Variants in VTCN1 observed in about 807,000 individuals in gnomAD.
VTCN1 encodes the protein V-set domain-containing T-cell activation inhibitor 1.
Under a neutral mutation model 26.5 loss-of-function variants are expected in VTCN1, and 26 were observed. The ratio of observed to expected loss-of-function variants is 0.98; its 90% confidence interval spans 0.72 to 1.36. The LOEUF is 1.36. VTCN1 is among the 40% of genes most tolerant of loss of function. The pLI is 0.00. For synonymous variants in VTCN1, 116 were observed against 130.7 expected (o/e 0.89, Z 0.77); for missense variants, 298 against 337.7 (o/e 0.88, Z 0.92).
At chr1:117,153,065 C>A in intron 4 of VTCN1, 26 bp downstream of exon 4, 1 of 1,586,996 alleles carries the variant, frequency 6.3e-7, no homozygotes, top group Admixed American at 1.7e-5. Context: ...CCCAGTAAAT[C>A]CATACAAAAG....
At chr1:117,200,324 G>A (rs1648729964) in intron 1 of VTCN1, among the ~76,000 whole-genome samples, 1 of 152,072 alleles carries the variant, frequency 6.6e-6, no homozygotes, top group Non-Finnish European at 1.5e-5. Context: ...ACTGGAGCCT[G>A]GGAGGTCAAG....
At position 117,186,016 on chromosome 1, in the gene VTCN1, T is replaced by A. The variant is rs77143300; in HGVS notation, c.33-15845A>T. On this transcript the variant is annotated intron_variant, in intron 1 of 5. Coordinates refer to ENST00000369458, the MANE Select transcript of VTCN1 (RefSeq NM_024626.4). ...CATCCTTAACTTTGGCAAAATAAAC[T>A]TTTTTAATTGATTAAGACCTGTCTC... is the stretch of plus-strand genomic sequence containing the variant. Among the ~76,000 whole-genome samples the A allele has an allele frequency of 6.4e-3, 978 of 152,324 alleles. 13 individuals are homozygous for A. Among genetic ancestry groups the A allele is most frequent in the African/African-American group, 0.022 (894 of 41,564 alleles).
At position 117,183,917 on chromosome 1, in the gene VTCN1, G is replaced by T. The variant is rs966384691; in HGVS notation, c.33-13746C>A. On this transcript the variant is annotated intron_variant, in intron 1 of 5. Coordinates refer to ENST00000369458, the MANE Select transcript of VTCN1 (RefSeq NM_024626.4). The surrounding 1 kb of genome is among the most constrained non-coding windows in gnomAD (Gnocchi z 4.1). Reference sequence around the variant, plus strand: ...CATGAGTCCAGATCAGTAAGAGAGTGCTGGGCGCAATGGCTATGCATTCCA... The same window carrying T: ...CATGAGTCCAGATCAGTAAGAGAGTTCTGGGCGCAATGGCTATGCATTCCA... Among the ~76,000 whole-genome samples the T allele has an allele frequency of 1.3e-5, 2 of 152,158 alleles. No homozygotes were observed. Among genetic ancestry groups the T allele is most frequent in the Non-Finnish European group, 2.9e-5 (2 of 68,042 alleles).
intron 1 of VTCN1, among the ~76,000 whole-genome samples, chr1:117,179,948 C>T (rs60903501): frequency 0.015 from 2,258 of 152,258 alleles, 56 homozygotes; most frequent in African/African-American, 0.051. Flanking sequence ...GGATTAGACT[C>T]AGGTCTCAGA....
At chr1:117,158,367 A>G (rs1271545195) in intron 2 of VTCN1, among the ~76,000 whole-genome samples, 1 of 152,180 alleles carries the variant, frequency 6.6e-6, no homozygotes, top group Non-Finnish European at 1.5e-5. Context: ...GCAAACCCCA[A>G]TTCTTGACTT....
At chr1:117,171,907 T>A (rs1652936354) in intron 1 of VTCN1, among the ~76,000 whole-genome samples, 1 of 152,140 alleles carries the variant, frequency 6.6e-6, no homozygotes, top group South Asian at 2.1e-4. Context: ...ATGGGGCGTG[T>A]CCCTTTTCTT....
chr1:117,183,965 A>T lies in VTCN1; in HGVS notation c.33-13794T>A, dbSNP rs1411042406. Among the ~76,000 whole-genome samples the T allele has an allele frequency of 6.6e-6, 1 of 152,134 alleles. No homozygotes were observed. The highest frequency in any genetic ancestry group is 1.5e-5 in the Non-Finnish European group (1 of 68,038). ...CCAGGGACCAAAAGCTTCTGTCTTC[A>T]GAGCCATACCAAACACCAGAGACAA... On this transcript the variant is annotated intron_variant, in intron 1 of 5. Coordinates refer to ENST00000369458, the MANE Select transcript of VTCN1 (RefSeq NM_024626.4). The surrounding 1 kb of genome is among the most constrained non-coding windows in gnomAD (Gnocchi z 4.1).
chr1:117,188,714 T>C (rs1466974347), intron 1 of VTCN1, among the ~76,000 whole-genome samples: 1 of 152,198 alleles, frequency 6.6e-6, no homozygotes, highest in Non-Finnish European at 1.5e-5. Context: ...AATATGTCCA[T>C]GACACAGCCC....
chr1:117,168,087 A>C (rs1652707459), intron 2 of VTCN1, among the ~76,000 whole-genome samples: 1 of 152,226 alleles, frequency 6.6e-6, no homozygotes, highest in Non-Finnish European at 1.5e-5. Flanking sequence ...TAGTGAATTC[A>C]GAAACAGATC....
At chr1:117,176,578 C>A (rs1647366002) in intron 1 of VTCN1, among the ~76,000 whole-genome samples, 1 of 152,146 alleles carries the variant, frequency 6.6e-6, no homozygotes, top group South Asian at 2.1e-4. Flanking sequence ...TGGGAGATAC[C>A]ACATTCCTTA....
At chr1:117,206,955 C>G (rs1649102440) in intron 1 of VTCN1, among the ~76,000 whole-genome samples, 1 of 152,156 alleles carries the variant, frequency 6.6e-6, no homozygotes, top group African/African-American at 2.4e-5. Flanking sequence ...TCTGAAGGCT[C>G]AGATTTTATA....
intron 1 of VTCN1, among the ~76,000 whole-genome samples, chr1:117,201,444 C>T (rs1420009140): frequency 1.3e-5 from 2 of 152,138 alleles, no homozygotes; most frequent in Non-Finnish European, 2.9e-5. Context: ...TGGGGGAATC[C>T]CTCTGTGTAG....
At chr1:117,209,105 T>C (rs949626072) in intron 1 of VTCN1, among the ~76,000 whole-genome samples, 3 of 152,146 alleles carry the variant, frequency 2.0e-5, no homozygotes, top group South Asian at 2.1e-4. Context: ...GCCACCCTCA[T>C]GGACAGTCGC....
At chr1:117,176,840 T>C (rs1647376806) in intron 1 of VTCN1, among the ~76,000 whole-genome samples, 1 of 152,128 alleles carries the variant, frequency 6.6e-6, no homozygotes, top group South Asian at 2.1e-4. Context: ...GGCTCATGCT[T>C]GTAATCCCAG....
intron 1 of VTCN1, among the ~76,000 whole-genome samples, chr1:117,210,430 T>C (rs1225710924): frequency 2.0e-5 from 3 of 152,154 alleles, no homozygotes; most frequent in African/African-American, 7.2e-5. Context: ...TCCCCTCCAC[T>C]GTCGCAGTCA....
chr1:117,192,206 A>G (rs1648282859), intron 1 of VTCN1, among the ~76,000 whole-genome samples: 1 of 152,194 alleles, frequency 6.6e-6, no homozygotes, highest in Non-Finnish European at 1.5e-5. Flanking sequence ...TGGATTTTTC[A>G]GCAGAAGTCT....
intron 4 of VTCN1, among the ~76,000 whole-genome samples, chr1:117,149,764 A>G (rs1379389286): frequency 6.6e-6 from 1 of 152,220 alleles, no homozygotes; most frequent in East Asian, 1.9e-4. Flanking sequence ...TGAATGACCT[A>G]AATTAGCAGT....
At chr1:117,151,351 C>T (rs1247567271) in intron 4 of VTCN1, among the ~76,000 whole-genome samples, 1 of 152,134 alleles carries the variant, frequency 6.6e-6, no homozygotes, top group Non-Finnish European at 1.5e-5. Flanking sequence ...AGCTGCAGAC[C>T]TTCGCAGTGA....
chr1:117,145,554 C>A lies in VTCN1; in HGVS notation c.*46-329G>T, dbSNP rs2101412535. On this transcript the variant is annotated intron_variant, in intron 5 of 5. Transcript: ENST00000369458. This position sits in a 1 kb window ranked among gnomAD's most constrained non-coding sequence, Gnocchi z 4.6. Reference sequence around the variant, plus strand: ...TGGAAAGGTGGTTTCTGCCTCAATTCCTAACCAGGGAGTGTGTGTGGCCTA... The same window carrying A: ...TGGAAAGGTGGTTTCTGCCTCAATTACTAACCAGGGAGTGTGTGTGGCCTA... 6.6e-6 allele frequency among the ~76,000 whole-genome samples: 1 copy of A among 152,274 alleles called. No individual in the cohort carries two copies. Among genetic ancestry groups the A allele is most frequent in the African/African-American group, 2.4e-5 (1 of 41,556 alleles).
Sources: gnomAD v4.1 joint callset for allele counts (sites outside exome capture counted in the v4.1 genomes callset) on GRCh38, gnomAD v4.1.1 for gene constraint, Gnocchi (gnomAD v3.1) non-coding constraint, MANE v1.5 for transcripts, NCBI Gene and HGNC (gene_info 2026-07-23, HGNC 2026-07-21) for gene names.